Variants in STMN4 observed in about 807,000 individuals in gnomAD.
STMN4 encodes stathmin 4.
Under a neutral mutation model 29.1 loss-of-function variants are expected in STMN4, and 12 were observed. The ratio of observed to expected loss-of-function variants is 0.41; its 90% confidence interval spans 0.26 to 0.67. The LOEUF is 0.67. Among genes scored for constraint, STMN4 ranks in the 30% least tolerant of loss-of-function variants. STMN4 has a pLI of 0.30. For synonymous variants in STMN4, 114 were observed against 105.3 expected (o/e 1.08, Z -0.51); for missense variants, 181 against 262.8 (o/e 0.69, Z 2.15).
chr8:27,239,389 A>T, intron 6 of STMN4: 2 of 1,259,596 alleles, frequency 1.6e-6, no homozygotes, highest in South Asian at 1.4e-5. Flanking sequence ...ACGGGCCGGT[A>T]TTCTGCTGAC....
intron 1 of STMN4, among the ~76,000 whole-genome samples, chr8:27,251,145 C>T (rs1002350763): frequency 2.6e-5 from 4 of 151,912 alleles, no homozygotes; most frequent in South Asian, 2.1e-4. Flanking sequence ...CCCAGCTACT[C>T]GGGAGGCTGT....
At chr8:27,246,987 C>T (rs1801641738) in intron 1 of STMN4, among the ~76,000 whole-genome samples, 2 of 152,110 alleles carry the variant, frequency 1.3e-5, no homozygotes, top group Admixed American at 1.3e-4. Flanking sequence ...AGGCGTGGTG[C>T]CTCATGCTGT....
At chr8:27,255,315 C>T (rs1801909940) in intron 1 of STMN4, among the ~76,000 whole-genome samples, 1 of 152,172 alleles carries the variant, frequency 6.6e-6, no homozygotes, top group Non-Finnish European at 1.5e-5. Context: ...TTCTATCTCT[C>T]CTCCCACAAA....
Position 27,236,793 on chromosome 8 carries a change from T to A in STMN4, c.*53A>T. 6.7e-7 allele frequency: 1 copy of A among 1,500,886 alleles called. No individual in the cohort carries two copies. The highest frequency in any genetic ancestry group is 8.9e-7 in the Non-Finnish European group (1 of 1,122,224). The allele number at this position is 1,500,886 out of a possible 1,614,324, so 93.0% of individuals were successfully genotyped here. On this transcript the variant is annotated 3_prime_UTR_variant, in exon 7 of 7. Coordinates refer to ENST00000350889, the MANE Select transcript of STMN4 (RefSeq NM_030795.4). ...CCGGCGGGCGAGGCTGCCTGGAACG[T>A]GGAGCTGCTGGAGCTGTCCGGCTGA...
chr8:27,246,435 GA>G (rs1801626050), intron 1 of STMN4, among the ~76,000 whole-genome samples: 1 of 152,214 alleles, frequency 6.6e-6, no homozygotes, highest in African/African-American at 2.4e-5. Flanking sequence ...CCATTTTATA[GA>G]GAATGAAATC....
At chr8:27,237,180 C>T (rs1362067236) in intron 6 of STMN4, among the ~76,000 whole-genome samples, 1 of 152,104 alleles carries the variant, frequency 6.6e-6, no homozygotes, top group Non-Finnish European at 1.5e-5. Context: ...GCCACGCAGC[C>T]TCCCCCTCCC....
chr8:27,248,908 G>A (rs1334508834), intron 1 of STMN4, among the ~76,000 whole-genome samples: 1 of 152,186 alleles, frequency 6.6e-6, no homozygotes, highest in Non-Finnish European at 1.5e-5. Context: ...TGGACCTGCT[G>A]GATTGAGTTC....
Position 27,236,161 on chromosome 8 carries a change from A to T in STMN4, c.*685T>A, listed in dbSNP as rs1208126685. On this transcript the variant is annotated 3_prime_UTR_variant, in exon 7 of 7. Transcript: ENST00000350889. The stretch of plus-strand genomic sequence containing the variant: ...AGGCTGGCCTGATTCAACCCACCTC[A>T]CCCAGGCTCCAGATGCTTGAATGGC... The T allele has an allele frequency of 6.6e-6, 1 of 152,182 alleles. No homozygotes were observed. The highest frequency in any genetic ancestry group is 2.4e-5 in the African/African-American group (1 of 41,438). The allele number at this position is 152,182 out of a possible 1,614,324, so 9.4% of individuals were successfully genotyped here.
At chr8:27,256,401 A>G (rs1156327441) in intron 1 of STMN4, among the ~76,000 whole-genome samples, 2 of 152,192 alleles carry the variant, frequency 1.3e-5, no homozygotes, top group African/African-American at 4.8e-5. Flanking sequence ...TTGACTATCT[A>G]TTGGGAGTTT....
intron 1 of STMN4, 33 bp from the exon 2 acceptor site, chr8:27,243,834 G>A (rs534912221): frequency 9.5e-6 from 15 of 1,582,594 alleles, no homozygotes; most frequent in South Asian, 5.6e-5. Context: ...TTTTACCATC[G>A]ATGGATTAGA....
At chr8:27,237,076 G>A (rs1801331204) in intron 6 of STMN4, among the ~76,000 whole-genome samples, 171 bp from the exon 7 acceptor site, 1 of 152,174 alleles carries the variant, frequency 6.6e-6, no homozygotes, top group Admixed American at 6.5e-5. Context: ...AGGCTGGCAG[G>A]AGGCAGGGGG....
At chr8:27,257,914 G>A (rs973462645) in intron 1 of STMN4, among the ~76,000 whole-genome samples, 2 of 152,174 alleles carry the variant, frequency 1.3e-5, no homozygotes, top group Non-Finnish European at 2.9e-5. Flanking sequence ...TGATCAAAAT[G>A]GGAATGGGAG....
intron 1 of STMN4, among the ~76,000 whole-genome samples, chr8:27,247,923 A>C (rs185344485): frequency 4.6e-5 from 7 of 152,364 alleles, no homozygotes; most frequent in African/African-American, 1.7e-4. Flanking sequence ...CTGTTAGGTG[A>C]GAGCCAATCC....
chr8:27,236,681 C>A lies in STMN4; in HGVS notation c.*165G>T. On this transcript the variant is annotated 3_prime_UTR_variant, in exon 7 of 7. Coordinates refer to ENST00000350889, the MANE Select transcript of STMN4 (RefSeq NM_030795.4). ...AAACAAATAGGATGGCTTCACTGGT[C>A]AATTCTTAACATGTACAAACACCAA... is the stretch of plus-strand genomic sequence containing the variant. 1.9e-6 allele frequency: 1 copy of A among 528,260 alleles called. No individual in the cohort carries two copies. The highest frequency in any genetic ancestry group is 3.2e-6 in the Non-Finnish European group (1 of 311,298). The allele number at this position is 528,260 out of a possible 1,614,324, so 32.7% of individuals were successfully genotyped here.
At chr8:27,240,591 G>T (rs1801441546) in intron 5 of STMN4, among the ~76,000 whole-genome samples, 2 of 152,064 alleles carry the variant, frequency 1.3e-5, no homozygotes, top group South Asian at 2.1e-4. Flanking sequence ...CATGATAGGG[G>T]ATTATTTTCT....
chr8:27,248,895 G>A (rs1171329509), intron 1 of STMN4, among the ~76,000 whole-genome samples: 1 of 152,194 alleles, frequency 6.6e-6, no homozygotes, highest in African/African-American at 2.4e-5. Flanking sequence ...ACAAAGTGTG[G>A]GTTGGACCTG....
intron 6 of STMN4, chr8:27,239,119 C>T: frequency 7.4e-7 from 1 of 1,348,852 alleles, no homozygotes; most frequent in Non-Finnish European, 9.9e-7. Context: ...AGGGCCTACG[C>T]AACATTCAGA....
intron 6 of STMN4, among the ~76,000 whole-genome samples, chr8:27,237,655 T>C (rs990251986): frequency 2.0e-5 from 3 of 152,214 alleles, no homozygotes; most frequent in Non-Finnish European, 2.9e-5. Flanking sequence ...CCTTCTTTTA[T>C]TTCACAGGGT....
intron 5 of STMN4, among the ~76,000 whole-genome samples, 160 bp downstream of exon 5, chr8:27,240,894 C>G (rs1032614935): frequency 6.6e-6 from 1 of 152,206 alleles, no homozygotes; most frequent in African/African-American, 2.4e-5. Flanking sequence ...TTCTTTGTTT[C>G]CCTCAATGGT....
Sources: gnomAD v4.1 joint callset for allele counts (sites outside exome capture counted in the v4.1 genomes callset) on GRCh38, gnomAD v4.1.1 for gene constraint, MANE v1.5 for transcripts, NCBI Gene and HGNC (gene_info 2026-07-23, HGNC 2026-07-21) for gene names.